SNAPC4: variants seen among roughly 807,000 people sequenced by gnomAD.
SNAPC4 encodes small nuclear RNA activating complex polypeptide 4.
In SNAPC4, 127 loss-of-function variants were observed where a neutral mutation model predicts 151.3. The ratio of observed to expected loss-of-function variants is 0.84; its 90% CI spans 0.73 to 0.97. The LOEUF (loss-of-function observed/expected upper bound fraction) is 0.97. Among genes scored for constraint, SNAPC4 ranks in the 50% least tolerant of loss-of-function variants. The probability of loss-of-function intolerance (pLI) is 0.00; values close to 1 mark genes in which losing one functional copy is unlikely to be tolerated. For missense variants in SNAPC4, 2,186 were observed against 1,935.0 expected (o/e 1.13, Z -2.43); for synonymous variants, 1,002 against 824.4 (o/e 1.22, Z -3.69).
chr9:136,388,096 C>T (rs984107488), intron 11 of SNAPC4, among the ~76,000 whole-genome samples: 21 of 152,054 alleles, frequency 1.4e-4, no homozygotes, highest in Non-Finnish European at 2.8e-4. Flanking sequence ...GGTGAAACCC[C>T]GTCTCTACTA....
chr9:136,383,802 A>G lies in SNAPC4; in HGVS notation c.1501-134T>C. 1 of 1,365,738 alleles carries G rather than the reference A, an allele frequency of 7.3e-7. No homozygotes were observed. The highest frequency in any genetic ancestry group is 1.3e-5 in the South Asian group (1 of 77,482). The allele number at this position is 1,365,738 out of a possible 1,614,324, so 84.6% of individuals were successfully genotyped here. ...GGTCAAGAGCAGCCGCTGCCGAGGCAGGGTCTCCCTTTGCCCTTGGCCACC... is the reference window on the plus strand; with the variant it reads ...GGTCAAGAGCAGCCGCTGCCGAGGCGGGGTCTCCCTTTGCCCTTGGCCACC... On this transcript the variant is annotated intron_variant, in intron 15 of 23. Transcript: ENST00000684778. The surrounding 1 kb of genome is among the most constrained non-coding windows in gnomAD (Gnocchi z 4.2).
At position 136,380,824 on chromosome 9, in the gene SNAPC4, G is replaced by A; in HGVS notation, c.2415C>T (p.Cys805=). The change falls in exon 20 of 24, where the codon TGC becomes TGT. Residue 805 remains cysteine (C), a synonymous_variant. Coordinates refer to ENST00000684778, the MANE Select transcript of SNAPC4 (RefSeq NM_003086.4). ...TQLFHIDTAG[C]LEVVRERKAL... is the part of the protein sequence containing the mutation. ...CCTTCCTCTCTCGGACGACCTCCAA[G>A]CAGCCGGCAGTATCGATGTGGAACA... 6.2e-7 allele frequency: 1 copy of A among 1,611,004 alleles called. No homozygotes were observed. The highest frequency in any genetic ancestry group is 8.5e-7 in the Non-Finnish European group (1 of 1,178,204).
At chr9:136,377,444 G>T (rs977984422) in intron 22 of SNAPC4, 99 bp downstream of exon 22, 2 of 1,395,034 alleles carry the variant, frequency 1.4e-6, no homozygotes, top group East Asian at 2.5e-5. Flanking sequence ...CTTCCTGCCC[G>T]CAACTTCCAC....
chr9:136,382,458 T>C (rs1041152207), intron 16 of SNAPC4, 122 bp from the exon 17 acceptor site: 8 of 829,542 alleles, frequency 9.6e-6, no homozygotes, highest in African/African-American at 1.7e-5. Flanking sequence ...TGTGTACAGC[T>C]CTGCTCTGCC....
Position 136,379,019 on chromosome 9 carries a change from G to T in SNAPC4, c.2808C>A (p.Thr936=). Reference sequence around the variant, plus strand: ...GACCCGGGGCTGGGCGGCCGTGTGGGGTGTGTGGTAGAGGGGGCTGGAGGA... The same window carrying T: ...GACCCGGGGCTGGGCGGCCGTGTGGTGTGTGTGGTAGAGGGGGCTGGAGGA... The part of the protein sequence containing the change: ...SVILQPPLPH[T]PHGRPAPGPT... Residue 936 remains threonine (T), a synonymous_variant, in exon 22 of 24, where the codon ACC becomes ACA. Transcript: ENST00000684778. 2 of 1,603,998 alleles carry T rather than the reference G, an allele frequency of 1.2e-6. No individual in the cohort carries two copies. The highest frequency in any genetic ancestry group is 1.7e-6 in the Non-Finnish European group (2 of 1,176,306).
chr9:136,393,917 G>A (rs73670249), intron 7 of SNAPC4, among the ~76,000 whole-genome samples: 1,583 of 152,346 alleles, frequency 0.01, 21 homozygotes, highest in African/African-American at 0.035. Context: ...GGCCAGGAAA[G>A]GCTGTTGTGT....
At chr9:136,399,542 CAA>C (rs2131528174) in intron 1 of SNAPC4, among the ~76,000 whole-genome samples, 1 of 152,238 alleles carries the variant, frequency 6.6e-6, no homozygotes, top group East Asian at 1.9e-4. Flanking sequence ...GGAAGGAGGT[CAA>C]AGTCACACGT....
At chr9:136,385,609 G>A (rs948781428) in intron 13 of SNAPC4, among the ~76,000 whole-genome samples, 32 of 151,834 alleles carry the variant, frequency 2.1e-4, no homozygotes, top group African/African-American at 7.5e-4. Flanking sequence ...AGGCTGGAGT[G>A]CAGTGGCGCA....
chr9:136,392,435 T>C, intron 9 of SNAPC4, 87 bp downstream of exon 9: 1 of 1,299,222 alleles, frequency 7.7e-7, no homozygotes, highest in Non-Finnish European at 1.1e-6. Flanking sequence ...AGGGAGGGTG[T>C]GGCCTTACCA....
intron 6 of SNAPC4, among the ~76,000 whole-genome samples, 172 bp downstream of exon 6, chr9:136,394,628 C>T (rs982554062): frequency 3.3e-5 from 5 of 152,170 alleles, no homozygotes; most frequent in African/African-American, 1.2e-4. Context: ...AAAGGACCTG[C>T]TCAGTGTGGA....
chr9:136,384,691 A>G, intron 14 of SNAPC4, 29 bp downstream of exon 14: 1 of 1,137,726 alleles, frequency 8.8e-7, no homozygotes, highest in Non-Finnish European at 1.3e-6. Flanking sequence ...AAAAAAAGAA[A>G]CTAGAAGAAC....
chr9:136,387,993 G>T (rs1833947115), intron 11 of SNAPC4, 145 bp from the exon 12 acceptor site: 1 of 633,100 alleles, frequency 1.6e-6, no homozygotes, highest in South Asian at 1.8e-5. Context: ...TTGGCCAGGT[G>T]CAGTGGCATC....
At chr9:136,399,881 GGCCGCCCCGCCGGA>G (rs1293065398) in intron 1 of SNAPC4, among the ~76,000 whole-genome samples, 3 of 152,132 alleles carry the variant, frequency 2.0e-5, no homozygotes, top group Non-Finnish European at 2.9e-5. Context: ...CTGCAGCCGG[GGCCGCCCCGCCGGA>G]GCCTCCTCGG....
chr9:136,392,556 T>C lies in SNAPC4; in HGVS notation c.776A>G (p.Asp259Gly). 1.2e-6 allele frequency: 2 copies of C among 1,613,860 alleles called. No individual in the cohort carries two copies. The highest frequency in any genetic ancestry group is 1.7e-6 in the Non-Finnish European group (2 of 1,180,036). ...PEEALLGNRL[D>G]SHDWEKISNI... The stretch of plus-strand genomic sequence containing the variant: ...GGAAATCTTCTCCCAGTCGTGGCTG[T>C]CCAGCCTGTTTCCCAGCAAGGCCTC... Residue 259 changes from aspartate (D) to glycine (G), a missense_variant, in exon 9 of 24, where the codon GAC (aspartate) becomes GGC (glycine). By Grantham distance (94) the Asp-to-Gly change is moderately conservative (BLOSUM62 -1). Transcript: ENST00000684778.
In SNAPC4 at chr9:136,378,576, C is replaced by T; in HGVS notation, c.3251G>A (p.Gly1084Glu). 3 of 1,588,944 alleles carry T rather than the reference C, an allele frequency of 1.9e-6. No individual in the cohort carries two copies. Among genetic ancestry groups the T allele is most frequent in the Non-Finnish European group, 2.6e-6 (3 of 1,170,730 alleles). Residue 1084 changes from glycine to glutamate, a missense_variant, in exon 22 of 24, where the codon GGG becomes GAG. Coordinates refer to ENST00000684778, the MANE Select transcript of SNAPC4 (RefSeq NM_003086.4). ...AGCTGGTACAGGAACAGGGAGAAGCCCCTGGGCTGTGAGCACCCAGGTGAC... is the reference window on the plus strand; with the variant it reads ...AGCTGGTACAGGAACAGGGAGAAGCTCCTGGGCTGTGAGCACCCAGGTGAC... ...LPVTWVLTAQ[G>E]LLPVPVPAVV... is the part of the protein sequence containing the mutation.
At position 136,394,801 on chromosome 9, in the gene SNAPC4, T is replaced by G. The variant is rs764825677; in HGVS notation, c.549A>C (p.Lys183Asn). The change falls in exon 6 of 24, where the codon AAA becomes AAC. Residue 183 changes from lysine (K) to asparagine (N), a missense_variant and splice_region_variant. Transcript: ENST00000684778. Reference sequence around the variant, plus strand: ...CGCAGGGCCGGCCAGGGCTCTTACATTTGGTCACAAGGAGCTCCTCGAAAG... The same window carrying G: ...CGCAGGGCCGGCCAGGGCTCTTACAGTTGGTCACAAGGAGCTCCTCGAAAG... ...IKAFEELLVT[K>N]WKNWEKALLR... The G allele has an allele frequency of 3.7e-6, 6 of 1,613,456 alleles. No individual in the cohort carries two copies. The highest frequency in any genetic ancestry group is 5.1e-6 in the Non-Finnish European group (6 of 1,179,808).
chr9:136,395,147 T>C, intron 5 of SNAPC4, 151 bp downstream of exon 5: 1 of 1,007,604 alleles, frequency 9.9e-7, no homozygotes, highest in Admixed American at 2.5e-5. Flanking sequence ...GAGGGCAGCT[T>C]GCCCACCACG....
intron 13 of SNAPC4, 100 bp downstream of exon 13, chr9:136,387,385 C>T (rs1042887914): frequency 1.3e-5 from 11 of 861,518 alleles, no homozygotes; most frequent in East Asian, 2.4e-5. Flanking sequence ...CCTCGCCCAG[C>T]GCTGGCCGCT....
intron 5 of SNAPC4, 67 bp from the exon 6 acceptor site, chr9:136,394,945 C>A: frequency 7.1e-7 from 1 of 1,413,960 alleles, no homozygotes; most frequent in Admixed American, 1.9e-5. Context: ...CAGCACATCC[C>A]TCCAGAGCCC....
Sources: allele counts gnomAD v4.1 joint callset (sites outside exome capture counted in the v4.1 genomes callset), GRCh38; gene constraint gnomAD v4.1.1; non-coding constraint Gnocchi (gnomAD v3.1); transcripts MANE v1.5; gene names NCBI Gene and HGNC (gene_info 2026-07-23, HGNC 2026-07-21).